The following NCOR1 variants were observed in gnomAD, a reference collection of about 807,000 sequenced individuals.
NCOR1 encodes protein phosphatase 1, regulatory subunit 109.
In NCOR1, 63 loss-of-function variants were observed where a neutral mutation model predicts 288.1. The observed-to-expected ratio is 0.22, with a 90% CI of 0.18 to 0.27. The LOEUF is 0.27. NCOR1 is among the 10% of genes least tolerant of loss of function. The pLI is 1.00. For missense variants in NCOR1, 2,397 were observed against 3,019.2 expected, an observed-to-expected ratio of 0.79 and a Z score of 4.83; for synonymous variants, 1,007 against 1,065.9, an observed-to-expected ratio of 0.94 and a Z score of 1.08.
intron 8 of NCOR1, among the ~76,000 whole-genome samples, chr17:16,150,012 T>C (rs1196833306): frequency 6.6e-6 from 1 of 152,058 alleles, no homozygotes; most frequent in Admixed American, 6.5e-5. Context: ...AATGACACAA[T>C]CCACTCTAAG....
At chr17:16,141,954 C>A in intron 11 of NCOR1, among the ~76,000 whole-genome samples, 1 of 152,110 alleles carries the variant, frequency 6.6e-6, no homozygotes, top group East Asian at 1.9e-4. Context: ...GCAAAACAGC[C>A]ATTAATTATA....
rs773752366 is a variant in NCOR1 at position 16,080,042 on chromosome 17, T to C, written c.3423A>G (p.Glu1141=). Residue 1141 remains glutamate, a synonymous_variant, in exon 26 of 46, where the codon GAA becomes GAG. Transcript: ENST00000268712. The part of the protein sequence containing the change: ...VVRGTAGAIQ[E]GSITRGTPTS... ...TTGGAGTTCCCCGAGTTATACTTCC[T>C]TCTTGTATGGCTCCTGCGGTACCTG... The C allele has an allele frequency of 3.1e-5, 50 of 1,613,990 alleles. No homozygotes were observed. Among genetic ancestry groups the C allele is most frequent in the Non-Finnish European group, 4.0e-5 (47 of 1,179,978 alleles).
chr17:16,077,447 G>A lies in NCOR1; in HGVS notation c.3502-1745C>T, dbSNP rs1283709108. ...AGGAAGGAAAGGAAAGGTAAGGAAA[G>A]GGAAGGAGAGGAGAGGGGAGGAGAG... On this transcript the variant is annotated intron_variant, in intron 26 of 45. Coordinates refer to ENST00000268712, the MANE Select transcript of NCOR1 (RefSeq NM_006311.4). 3.0e-5 allele frequency among the ~76,000 whole-genome samples: 4 copies of A among 133,432 alleles called. 1 individual carries two copies. The South Asian group carries it at 8.6e-4, about 29-fold the overall frequency. 87.5% of individuals were successfully genotyped at this position (133,432 alleles called of 152,430 possible). A position where few individuals can be genotyped will look rare whatever the true frequency, so the allele number is the denominator to read the frequency against.
Position 16,065,073 on chromosome 17 carries a change from C to T in NCOR1, c.4952-54G>A, listed in dbSNP as rs193012105. 3 of 1,516,696 alleles carry T rather than the reference C, an allele frequency of 2.0e-6. No individual in the cohort carries two copies. In the Admixed American group the frequency reaches 5.9e-5, roughly 30 times the overall value. 94.0% of individuals were successfully genotyped at this position (1,516,696 alleles called of 1,614,324 possible). A position where few individuals can be genotyped will look rare whatever the true frequency, so the allele number is the denominator to read the frequency against. Reference sequence around the variant, plus strand: ...AAGTGTTATTCTAAAGGTACAGAACCATACATGACTTTGGATTTTGTCTAT... The same window carrying T: ...AAGTGTTATTCTAAAGGTACAGAACTATACATGACTTTGGATTTTGTCTAT... On this transcript the variant is annotated intron_variant, in intron 33 of 45. Transcript: ENST00000268712.
intron 19 of NCOR1, among the ~76,000 whole-genome samples, chr17:16,107,792 A>G (rs2069092751): frequency 6.6e-6 from 1 of 151,946 alleles, no homozygotes; most frequent in Non-Finnish European, 1.5e-5. Context: ...TACTCTCTCT[A>G]CTCTTGTAAA....
At chr17:16,087,201 A>G (rs1397949092) in intron 22 of NCOR1, 7 of 1,304,220 alleles carry the variant, frequency 5.4e-6, no homozygotes, top group South Asian at 2.5e-5. Flanking sequence ...GGCTGCACTC[A>G]TATCAGGCTG....
At chr17:16,099,400 A>C (rs894050865) in intron 20 of NCOR1, among the ~76,000 whole-genome samples, 1 of 152,246 alleles carries the variant, frequency 6.6e-6, no homozygotes, top group African/African-American at 2.4e-5. Context: ...ATTTAAAAAA[A>C]CAATTCACAT....
chr17:16,117,803 T>TA, intron 18 of NCOR1, 85 bp downstream of exon 18: 2 of 1,424,664 alleles, frequency 1.4e-6, no homozygotes, highest in South Asian at 2.8e-5. Context: ...GCCTGGGTGA[T>TA]AGAGTGAGAC....
intron 42 of NCOR1, chr17:16,045,063 G>GA: frequency 5.6e-6 from 2 of 357,818 alleles, no homozygotes; most frequent in South Asian, 5.8e-5. Context: ...AGGGGACTGA[G>GA]GAAAAGACTG....
chr17:16,181,090 T>C (rs1600081945), intron 3 of NCOR1, among the ~76,000 whole-genome samples: 3 of 151,424 alleles, frequency 2.0e-5, no homozygotes, highest in Admixed American at 1.3e-4. Context: ...ACCCAGGAGG[T>C]GGAGGTTGCA....
At chr17:16,089,445 G>GT (rs1426450920) in intron 22 of NCOR1, among the ~76,000 whole-genome samples, 2 of 151,514 alleles carry the variant, frequency 1.3e-5, no homozygotes, top group African/African-American at 2.4e-5. Flanking sequence ...ATTCTCTAAG[G>GT]TTTTTTTTCA....
chr17:16,114,979 T>C (rs1039202489), intron 18 of NCOR1, among the ~76,000 whole-genome samples: 3 of 152,132 alleles, frequency 2.0e-5, no homozygotes, highest in Admixed American at 1.3e-4. Context: ...AGGTCCTCCA[T>C]GAGAGCCCCA....
At position 16,165,069 on chromosome 17, in the gene NCOR1, G is replaced by C; in HGVS notation, c.528C>G (p.Leu176=). ...TACTCTGTATTAACTCTTCCTTTGAGAGTTTTGAAGGTGAAGCATTTTGAT... is the reference window on the plus strand; with the variant it reads ...TACTCTGTATTAACTCTTCCTTTGACAGTTTTGAAGGTGAAGCATTTTGAT... ...GDDQNASPSK[L]SKEELIQSMD... is the part of the protein sequence containing the mutation. Residue 176 remains leucine (L), a synonymous_variant, in exon 5 of 46, where the codon CTC becomes CTG. Coordinates refer to ENST00000268712, the MANE Select transcript of NCOR1 (RefSeq NM_006311.4). 6.2e-7 allele frequency: 1 copy of C among 1,611,848 alleles called. No individual in the cohort carries two copies. Among genetic ancestry groups the C allele is most frequent in the Non-Finnish European group, 8.5e-7 (1 of 1,179,368 alleles).
At chr17:16,062,888 C>T (rs2060691565) in intron 35 of NCOR1, among the ~76,000 whole-genome samples, 1 of 152,220 alleles carries the variant, frequency 6.6e-6, no homozygotes, top group Admixed American at 6.5e-5. Flanking sequence ...TTTTTGTTCA[C>T]TTAACCCTAA....
rs1372177528 is a variant in NCOR1 at position 16,092,634 on chromosome 17, G to A, written c.2821-576C>T. On this transcript the variant is annotated intron_variant, in intron 21 of 45. Transcript: ENST00000268712. Reference sequence around the variant, plus strand: ...CCATCCCTCATCTCTCTTTCACCAGGGATCAGATCCATTTATATATATATA... The same window carrying A: ...CCATCCCTCATCTCTCTTTCACCAGAGATCAGATCCATTTATATATATATA... Among the ~76,000 whole-genome samples the A allele has an allele frequency of 2.6e-4, 27 of 105,056 alleles. No homozygotes were observed. The Admixed American group carries it at 3.1e-3, about 12-fold the overall frequency. The allele number at this position is 105,056 out of a possible 152,430, so 68.9% of individuals were successfully genotyped here.
In NCOR1 at chr17:16,061,537, A is replaced by G. The variant is rs371093972; in HGVS notation, c.5745T>C (p.Tyr1915=). 5.9e-5 allele frequency: 96 copies of G among 1,614,060 alleles called. No individual in the cohort carries two copies. Among genetic ancestry groups the G allele is most frequent in the Non-Finnish European group, 6.4e-5 (76 of 1,180,046 alleles). Residue 1915 remains tyrosine (Y), a synonymous_variant, in exon 37 of 46, where the codon TAT becomes TAC. Coordinates refer to ENST00000268712, the MANE Select transcript of NCOR1 (RefSeq NM_006311.4). ...KDKGPPPKSR[Y]EEELRTRGKT... ...TCCCTCTGGTCCTTAGCTCTTCCTC[A>G]TATCTGGATTTTGGAGGAGGCCCTT...
At chr17:16,149,032 A>G (rs1196806232) in intron 9 of NCOR1, among the ~76,000 whole-genome samples, 3 of 152,046 alleles carry the variant, frequency 2.0e-5, no homozygotes, top group Non-Finnish European at 4.4e-5. Context: ...ATGGAAAACC[A>G]TTTGAATTTG....
At chr17:16,146,270 A>C in intron 10 of NCOR1, 106 bp downstream of exon 10, 1 of 1,040,870 alleles carries the variant, frequency 9.6e-7, no homozygotes, top group Non-Finnish European at 1.4e-6. Flanking sequence ...CCCCTCTCCG[A>C]GAAACACCCA....
intron 37 of NCOR1, among the ~76,000 whole-genome samples, chr17:16,059,603 T>C (rs1174794983): frequency 1.3e-5 from 2 of 152,210 alleles, no homozygotes; most frequent in African/African-American, 2.4e-5. Flanking sequence ...AGTCCTGCCA[T>C]AGCCTCAGAG....
Sources: gnomAD v4.1 joint callset for allele counts (sites outside exome capture counted in the v4.1 genomes callset) on GRCh38, gnomAD v4.1.1 for gene constraint, MANE v1.5 for transcripts, NCBI Gene and HGNC (gene_info 2026-07-23, HGNC 2026-07-21) for gene names.